The following DYSF variants were observed in gnomAD, a reference collection of about 807,000 sequenced individuals.
DYSF encodes dysferlin.
Under a neutral mutation model 274.9 loss-of-function variants are expected in DYSF, and 212 were observed. The observed-to-expected ratio is 0.77, with a 90% CI of 0.69 to 0.86. DYSF has a LOEUF of 0.86. Among genes scored for constraint, DYSF ranks in the 40% least tolerant of loss-of-function variants. The pLI is 0.00. For missense variants in DYSF, 2,666 were observed against 2,783.2 expected (o/e 0.96, Z 0.95); for synonymous variants, 1,091 against 1,078.7 (o/e 1.01, Z -0.22).
At chr2:71,630,246 A>G (rs901273232) in intron 41 of DYSF, among the ~76,000 whole-genome samples, 4 of 152,242 alleles carry the variant, frequency 2.6e-5, no homozygotes, top group Non-Finnish European at 5.9e-5. Context: ...GAAATCCAGC[A>G]GGGTGGGAGA....
At chr2:71,534,906 C>T in intron 14 of DYSF, 115 bp from the exon 15 acceptor site, 1 of 1,121,126 alleles carries the variant, frequency 8.9e-7, no homozygotes. Flanking sequence ...GTCTTACACC[C>T]AGCCCTAAGG....
At position 71,516,990 on chromosome 2, in the gene DYSF, T is replaced by A. The variant is rs398123807; in HGVS notation, c.953T>A (p.Val318Glu). 24 of 1,614,150 alleles carry A rather than the reference T, an allele frequency of 1.5e-5. 1 individual carries two copies. Among genetic ancestry groups the A allele is most frequent in the Non-Finnish European group, 1.9e-5 (23 of 1,179,998 alleles). Residue 318 changes from valine to glutamate, a missense_variant and splice_region_variant, in exon 10 of 56, where the codon GTG becomes GAG. Transcript: ENST00000410020. ...ELFDEPIFIT[V>E]VDSRSLRTDA... ...AGTTTCCATGATCTTTCTCTGCAGG[T>A]GGTAGACTCTCGTTCTCTCAGGACA...
At chr2:71,681,196 T>C in intron 54 of DYSF, 86 bp downstream of exon 54, 1 of 1,306,214 alleles carries the variant, frequency 7.7e-7, no homozygotes, top group Non-Finnish European at 1.1e-6. Flanking sequence ...CATGGCCATG[T>C]AGAAGTCACA....
intron 40 of DYSF, among the ~76,000 whole-genome samples, chr2:71,614,431 G>A (rs1176846317): frequency 6.6e-6 from 1 of 152,208 alleles, no homozygotes; most frequent in Non-Finnish European, 1.5e-5. Flanking sequence ...AGCCTCTGTG[G>A]CTCTCCAGGG....
At chr2:71,612,857 C>G (rs970972305) in intron 39 of DYSF, 51 bp downstream of exon 39, 1 of 1,575,854 alleles carries the variant, frequency 6.3e-7, no homozygotes, top group Non-Finnish European at 8.7e-7. Context: ...AGCCTCAGGG[C>G]CAAGCTACCC....
At chr2:71,472,558 C>T (rs1490815675) in intron 1 of DYSF, among the ~76,000 whole-genome samples, 1 of 152,216 alleles carries the variant, frequency 6.6e-6, no homozygotes, top group Non-Finnish European at 1.5e-5. Context: ...AGGCGTCCAC[C>T]ACCACGCCAG....
intron 41 of DYSF, among the ~76,000 whole-genome samples, chr2:71,629,443 G>A (rs897030092): frequency 3.9e-5 from 6 of 152,154 alleles, no homozygotes; most frequent in Admixed American, 2.0e-4. Context: ...GGCTCTAGCT[G>A]GCTCTTGCTC....
At chr2:71,465,493 G>C (rs1334946697), upstream of DYSF, among the ~76,000 whole-genome samples, 1 of 152,108 alleles carries the variant, frequency 6.6e-6, no homozygotes, top group African/African-American at 2.4e-5. Flanking sequence ...GTGAGGGCTC[G>C]CTTGAGTTAA....
In DYSF at chr2:71,476,374, AG is replaced by A. The variant is rs1372976149; in HGVS notation, c.92-4507del. ...TGAGGCCAGCCTGGCCAACATGGTC[AG>A]GCTAAAAATACAAAAATTAGCCAAG... On this transcript the variant is annotated intron_variant, in intron 1 of 55. Coordinates refer to ENST00000410020, the MANE Select transcript of DYSF (RefSeq NM_001130987.2). Among the ~76,000 whole-genome samples the A allele has an allele frequency of 3.3e-5, 5 of 152,030 alleles. No individual in the cohort carries two copies. In the East Asian group the frequency reaches 9.7e-4, roughly 29 times the overall value.
At chr2:71,601,173 C>T in intron 34 of DYSF, 1 of 587,276 alleles carries the variant, frequency 1.7e-6, no homozygotes, top group Non-Finnish European at 3.0e-6. Context: ...CGTTGCATTG[C>T]TGGCTTCACC....
At chr2:71,502,690 G>C (rs1008202525) in intron 3 of DYSF, among the ~76,000 whole-genome samples, 5 of 152,184 alleles carry the variant, frequency 3.3e-5, no homozygotes, top group Admixed American at 6.5e-5. Flanking sequence ...AGTGGAGCCT[G>C]TTTCCCCTGC....
intron 1 of DYSF, among the ~76,000 whole-genome samples, chr2:71,461,047 G>A (rs1480913330): frequency 6.6e-6 from 1 of 152,116 alleles, no homozygotes; most frequent in Non-Finnish European, 1.5e-5. Context: ...GAACTCACCA[G>A]TGGGCAGAAC....
rs147956067 is a variant in DYSF at position 71,649,546 on chromosome 2, A to G, written c.4626+5483A>G. 3.1e-3 allele frequency among the ~76,000 whole-genome samples: 475 copies of G among 152,286 alleles called. 2 individuals are homozygous for G. Among genetic ancestry groups the G allele is most frequent in the African/African-American group, 0.011 (450 of 41,554 alleles). On this transcript the variant is annotated intron_variant, in intron 42 of 55. Coordinates refer to ENST00000410020, the MANE Select transcript of DYSF (RefSeq NM_001130987.2). ...CCCCATAAATACTATGCCTAAAGAC[A>G]TAGAGGACTAAGTATTATCAGAATA...
At chr2:71,671,846 A>G (rs1295786807) in intron 51 of DYSF, among the ~76,000 whole-genome samples, 1 of 151,950 alleles carries the variant, frequency 6.6e-6, no homozygotes, top group East Asian at 1.9e-4. Flanking sequence ...AGAAGGGGAG[A>G]GTGGGGCCAA....
At chr2:71,516,371 T>C in intron 9 of DYSF, 129 bp downstream of exon 9, 2 of 893,512 alleles carry the variant, frequency 2.2e-6, no homozygotes, top group South Asian at 2.8e-5. Flanking sequence ...TGCGTGTGTG[T>C]GCCTGTCGGT....
intron 1 of DYSF, among the ~76,000 whole-genome samples, chr2:71,472,797 C>A (rs1490680857): frequency 6.6e-6 from 1 of 152,190 alleles, no homozygotes; most frequent in African/African-American, 2.4e-5. Flanking sequence ...TTCATTTGCC[C>A]ATGGTGGAGC....
chr2:71,617,853 G>GT (rs2093935247), intron 40 of DYSF, among the ~76,000 whole-genome samples: 1 of 110,558 alleles, frequency 9.0e-6, no homozygotes, highest in Non-Finnish European at 1.9e-5. Context: ...TGGTAGAGAT[G>GT]GGGTGTGTGT....
chr2:71,610,332 T>G (rs1178292028), intron 36 of DYSF, among the ~76,000 whole-genome samples: 1 of 152,232 alleles, frequency 6.6e-6, no homozygotes, highest in African/African-American at 2.4e-5. Flanking sequence ...CTTTAGAGGT[T>G]GACAACTTTT....
intron 22 of DYSF, among the ~76,000 whole-genome samples, chr2:71,560,417 G>GCCCCAGCACAGGGCTCCGGCGCAGGCCCC (rs56170138): frequency 7.2e-6 from 1 of 138,786 alleles, no homozygotes. Flanking sequence ...TCCCAGGCAG[G>GCCCCAGCACAGGGCTCCGGCGCAGGCCCC]CCCCCGCCCC....
Sources: allele counts gnomAD v4.1 joint callset (sites outside exome capture counted in the v4.1 genomes callset), GRCh38; gene constraint gnomAD v4.1.1; transcripts MANE v1.5; gene names NCBI Gene and HGNC (gene_info 2026-07-23, HGNC 2026-07-21).